The following ADAMTSL3 variants were observed in gnomAD, a reference collection of about 807,000 sequenced individuals.
ADAMTSL3 encodes the protein ADAMTS like 3, also known as ADAMTS-like protein 3.
ADAMTSL3 carries 128 observed loss-of-function variants against 201.7 expected under a neutral mutation model. That is an observed-to-expected ratio of 0.63 (90% CI 0.55 to 0.73). ADAMTSL3 has a LOEUF of 0.73. Among genes scored for constraint, ADAMTSL3 ranks in the 30% least tolerant of loss-of-function variants. The pLI, the probability that ADAMTSL3 is intolerant of heterozygous loss-of-function variation, is 0.00. For missense variants in ADAMTSL3, 1,990 were observed against 2,119.6 expected, an observed-to-expected ratio of 0.94 and a Z score of 1.20; for synonymous variants, 738 against 748.4, an observed-to-expected ratio of 0.99 and a Z score of 0.23.
At chr15:83,857,186 T>C (rs1357417093) in intron 7 of ADAMTSL3, among the ~76,000 whole-genome samples, 1 of 152,168 alleles carries the variant, frequency 6.6e-6, no homozygotes, top group Non-Finnish European at 1.5e-5. Context: ...TGTTGTTGAG[T>C]TACAAGTATT....
chr15:83,908,920 A>T (rs183421112), intron 15 of ADAMTSL3, among the ~76,000 whole-genome samples: 15 of 152,328 alleles, frequency 9.8e-5, no homozygotes, highest in African/African-American at 3.6e-4. Flanking sequence ...TTCCAGGCTC[A>T]TTTGAATAAT....
intron 3 of ADAMTSL3, among the ~76,000 whole-genome samples, chr15:83,767,446 A>G (rs1436397735): frequency 2.6e-5 from 4 of 152,206 alleles, no homozygotes; most frequent in Admixed American, 2.6e-4. Flanking sequence ...AATTTAAATA[A>G]TTACTTGAGA....
intron 6 of ADAMTSL3, among the ~76,000 whole-genome samples, chr15:83,829,533 C>G (rs2064107116): frequency 1.3e-5 from 2 of 152,104 alleles, no homozygotes; most frequent in South Asian, 4.1e-4. Context: ...TCCTTCAGTT[C>G]TGCTCTGATC....
intron 22 of ADAMTSL3, 152 bp from the exon 23 acceptor site, chr15:83,990,934 C>A: frequency 9.4e-7 from 1 of 1,067,724 alleles, no homozygotes; most frequent in Non-Finnish European, 1.4e-6. Flanking sequence ...TATGTATGTG[C>A]ACATCCCCAC....
At chr15:84,033,587 A>G (rs1203348675) in intron 28 of ADAMTSL3, among the ~76,000 whole-genome samples, 1 of 152,196 alleles carries the variant, frequency 6.6e-6, no homozygotes, top group Non-Finnish European at 1.5e-5. Flanking sequence ...TGAACCTGGG[A>G]GGTGGAGGCT....
chr15:83,819,263 CAA>C (rs397932701), intron 5 of ADAMTSL3, among the ~76,000 whole-genome samples: 26 of 76,488 alleles, frequency 3.4e-4, no homozygotes, highest in African/African-American at 9.4e-4. Context: ...CACTCCGTCT[CAA>C]AAAAAAAAAA....
intron 19 of ADAMTSL3, among the ~76,000 whole-genome samples, chr15:83,970,178 A>C (rs1465003040): frequency 6.6e-6 from 1 of 152,168 alleles, no homozygotes; most frequent in Non-Finnish European, 1.5e-5. Flanking sequence ...CCACGATAAT[A>C]AATTACTGGA....
At chr15:83,742,479 G>A (rs1387264392) in intron 3 of ADAMTSL3, among the ~76,000 whole-genome samples, 1 of 152,122 alleles carries the variant, frequency 6.6e-6, no homozygotes, top group African/African-American at 2.4e-5. Context: ...CAGAAATTCA[G>A]TTAATTAGAA....
At chr15:83,993,164 G>T (rs1355509239) in intron 23 of ADAMTSL3, among the ~76,000 whole-genome samples, 1 of 152,206 alleles carries the variant, frequency 6.6e-6, no homozygotes, top group African/African-American at 2.4e-5. Flanking sequence ...GTTTTCTAGG[G>T]AAATTCATCT....
chr15:84,025,873 A>G (rs1178749182), intron 27 of ADAMTSL3, among the ~76,000 whole-genome samples: 3 of 152,228 alleles, frequency 2.0e-5, no homozygotes, highest in Admixed American at 2.0e-4. Context: ...CACATTATTG[A>G]AACACATAAA....
At chr15:84,000,389 CTCTG>C (rs1191939885) in intron 23 of ADAMTSL3, among the ~76,000 whole-genome samples, 6 of 151,894 alleles carry the variant, frequency 4.0e-5, no homozygotes, top group South Asian at 2.1e-4. Flanking sequence ...TTTTTCCTTC[CTCTG>C]TCTATGATAC....
In ADAMTSL3 at chr15:83,849,889, T is replaced by C. The variant is rs370686398; in HGVS notation, c.728-8877T>C. 1.8e-4 allele frequency among the ~76,000 whole-genome samples: 27 copies of C among 152,326 alleles called. No individual in the cohort carries two copies. The East Asian group carries it at 3.9e-3, about 22-fold the overall frequency. ...TATGTAAAGAAAAATCCCCTGTAGTTATATAAGATGAAATTGAAATCAGTA... is the reference window on the plus strand; with the variant it reads ...TATGTAAAGAAAAATCCCCTGTAGTCATATAAGATGAAATTGAAATCAGTA... On this transcript the variant is annotated intron_variant, in intron 7 of 29. Coordinates refer to ENST00000286744, the MANE Select transcript of ADAMTSL3 (RefSeq NM_207517.3).
intron 23 of ADAMTSL3, among the ~76,000 whole-genome samples, chr15:83,999,747 A>C (rs181823760): frequency 3.3e-5 from 5 of 152,086 alleles, no homozygotes; most frequent in African/African-American, 1.2e-4. Context: ...GAAGAAACAT[A>C]TCACATAAAC....
chr15:83,820,176 C>A, intron 6 of ADAMTSL3, 129 bp downstream of exon 6: 1 of 731,402 alleles, frequency 1.4e-6, no homozygotes. Context: ...GGTACGGTGG[C>A]TTACACCTAT....
At chr15:83,773,047 G>T (rs894448847) in intron 3 of ADAMTSL3, among the ~76,000 whole-genome samples, 1 of 152,062 alleles carries the variant, frequency 6.6e-6, no homozygotes, top group Non-Finnish European at 1.5e-5. Flanking sequence ...AGGTGGAAAG[G>T]CATGCATGTG....
chr15:83,775,655 T>A (rs140971458), intron 4 of ADAMTSL3, among the ~76,000 whole-genome samples: 1 of 152,126 alleles, frequency 6.6e-6, no homozygotes, highest in Admixed American at 6.5e-5. Flanking sequence ...TTGGCTTTAT[T>A]GTTGAGAGCA....
chr15:83,960,811 G>A (rs185004603), intron 19 of ADAMTSL3, among the ~76,000 whole-genome samples: 3 of 152,220 alleles, frequency 2.0e-5, no homozygotes, highest in South Asian at 2.1e-4. Flanking sequence ...CTCCTAGCTC[G>A]TTTCTCCCAC....
chr15:83,828,789 G>T (rs1447677711), intron 6 of ADAMTSL3, among the ~76,000 whole-genome samples: 1 of 152,068 alleles, frequency 6.6e-6, no homozygotes. Flanking sequence ...ATAATCATAT[G>T]GTTTTTGTCT....
chr15:83,856,547 C>A (rs1387068357), intron 7 of ADAMTSL3, among the ~76,000 whole-genome samples: 1 of 152,010 alleles, frequency 6.6e-6, no homozygotes, highest in African/African-American at 2.4e-5. Flanking sequence ...TCTGTGAGAA[C>A]CATGATTTCC....
Sources: gnomAD v4.1 joint callset for allele counts (sites outside exome capture counted in the v4.1 genomes callset) on GRCh38, gnomAD v4.1.1 for gene constraint, MANE v1.5 for transcripts, NCBI Gene and HGNC (gene_info 2026-07-23, HGNC 2026-07-21) for gene names.